ROCK2: variants seen among roughly 807,000 people sequenced by gnomAD.
ROCK2 encodes rho-associated protein kinase 2.
A neutral mutation model predicts 195.1 loss-of-function variants in ROCK2; 61 were observed. The observed-to-expected ratio is 0.31, with a 90% CI of 0.25 to 0.39. ROCK2 has a LOEUF of 0.39. Among genes scored for constraint, ROCK2 ranks in the 10% least tolerant of loss-of-function variants. The pLI is 1.00. For synonymous variants in ROCK2, 504 were observed against 545.5 expected, an observed-to-expected ratio of 0.92 and a Z score of 1.06; for missense variants, 1,109 against 1,637.4, an observed-to-expected ratio of 0.68 and a Z score of 5.57.
At chr2:11,325,769 G>C (rs2148255322) in intron 1 of ROCK2, among the ~76,000 whole-genome samples, 1 of 152,216 alleles carries the variant, frequency 6.6e-6, no homozygotes, top group South Asian at 2.1e-4. Flanking sequence ...ATGGATAAAA[G>C]ACTAGAAAAG....
At chr2:11,317,576 T>TTTTATA (rs1553317356) in intron 1 of ROCK2, among the ~76,000 whole-genome samples, 8 of 29,588 alleles carry the variant, frequency 2.7e-4, no homozygotes, top group Admixed American at 5.5e-4. Context: ...ATCTACACAT[T>TTTTATA]TATATATATA....
At chr2:11,313,413 T>C (rs1668096901) in intron 1 of ROCK2, among the ~76,000 whole-genome samples, 2 of 152,100 alleles carry the variant, frequency 1.3e-5, no homozygotes, top group Non-Finnish European at 2.9e-5. Flanking sequence ...TTTTGGGTTT[T>C]ATAAGAATAA....
At chr2:11,247,296 TACA>T (rs1422682867) in intron 4 of ROCK2, among the ~76,000 whole-genome samples, 5 of 152,126 alleles carry the variant, frequency 3.3e-5, no homozygotes, top group African/African-American at 1.2e-4. Context: ...GTGATGGTTG[TACA>T]ACTCTGTGAA....
At position 11,240,065 on chromosome 2, in the gene ROCK2, GTAAGCTCCAC is replaced by G. The variant is rs1665369236; in HGVS notation, c.463-4113_463-4104del. On this transcript the variant is annotated intron_variant, in intron 4 of 32. Coordinates refer to ENST00000315872, the MANE Select transcript of ROCK2 (RefSeq NM_004850.5). Reference sequence around the variant, plus strand: ...AGAACATCAATGTGTTCACCAACCAGTAAGCTCCACTGAGTGTCAGTATCCAGAGTTTCTA... The same window carrying G: ...AGAACATCAATGTGTTCACCAACCAGTGAGTGTCAGTATCCAGAGTTTCTA... Among the ~76,000 whole-genome samples the G allele has an allele frequency of 2.0e-5, 3 of 152,202 alleles. No individual in the cohort carries two copies. The South Asian group carries it at 6.2e-4, about 32-fold the overall frequency.
intron 1 of ROCK2, among the ~76,000 whole-genome samples, chr2:11,327,195 G>A (rs1668575471): frequency 6.6e-6 from 1 of 152,178 alleles, no homozygotes; most frequent in African/African-American, 2.4e-5. Context: ...GGACACTGAG[G>A]ATTCTGGCAA....
chr2:11,287,223 T>C (rs751923772), intron 2 of ROCK2, among the ~76,000 whole-genome samples: 166 of 152,316 alleles, frequency 1.1e-3, no homozygotes, highest in Non-Finnish European at 2.1e-3. Context: ...GCAACATTAA[T>C]AATGGCAAAG....
intron 3 of ROCK2, among the ~76,000 whole-genome samples, chr2:11,273,854 G>A (rs779240754): frequency 1.3e-5 from 2 of 151,518 alleles, no homozygotes; most frequent in Non-Finnish European, 2.9e-5. Flanking sequence ...GCGTGAACCC[G>A]GGAGGTGGAG....
At chr2:11,303,966 A>G (rs552661888) in intron 1 of ROCK2, among the ~76,000 whole-genome samples, 1 of 152,282 alleles carries the variant, frequency 6.6e-6, no homozygotes, top group Admixed American at 6.5e-5. Context: ...AAAAACTTGA[A>G]AACTTTTTCT....
At chr2:11,206,121 A>G (rs1013852638) in intron 20 of ROCK2, among the ~76,000 whole-genome samples, 4 of 151,930 alleles carry the variant, frequency 2.6e-5, no homozygotes, top group Admixed American at 6.6e-5. Context: ...AAAAAAAAAA[A>G]GGACTGGGGA....
intron 4 of ROCK2, among the ~76,000 whole-genome samples, chr2:11,244,086 G>GAC (rs1665527210): frequency 6.6e-6 from 1 of 152,160 alleles, no homozygotes; most frequent in African/African-American, 2.4e-5. Context: ...TAATTTTGAT[G>GAC]ATAGGAAACA....
At chr2:11,297,605 AT>A (rs1243206574) in intron 1 of ROCK2, among the ~76,000 whole-genome samples, 1 of 152,104 alleles carries the variant, frequency 6.6e-6, no homozygotes, top group Non-Finnish European at 1.5e-5. Flanking sequence ...TAATAGGTTA[AT>A]TTGAGAAAAA....
intron 32 of ROCK2, among the ~76,000 whole-genome samples, chr2:11,186,906 C>T (rs1397623473): frequency 3.9e-5 from 6 of 152,172 alleles, no homozygotes; most frequent in African/African-American, 1.4e-4. Flanking sequence ...CTCGTTTCCC[C>T]AAGCGCTCTG....
Position 11,308,908 on chromosome 2 carries a change from T to A in ROCK2, c.142-21172A>T, listed in dbSNP as rs1667947345. On this transcript the variant is annotated intron_variant, in intron 1 of 32. Coordinates refer to ENST00000315872, the MANE Select transcript of ROCK2 (RefSeq NM_004850.5). ...AATTATTGACCAAGAAACCACTTTA[T>A]CTTCATCTACATCAAACTTTGCACA... 5 of 1,612,026 alleles carry A rather than the reference T, an allele frequency of 3.1e-6. No individual in the cohort carries two copies. The South Asian group carries it at 5.5e-5, about 18-fold the overall frequency.
chr2:11,339,680 C>A (rs1669044343), intron 1 of ROCK2, among the ~76,000 whole-genome samples: 1 of 151,810 alleles, frequency 6.6e-6, no homozygotes, highest in Non-Finnish European at 1.5e-5. Flanking sequence ...TAAAGCAAGT[C>A]ATAAAAGAAT....
intron 23 of ROCK2, among the ~76,000 whole-genome samples, 164 bp from the exon 24 acceptor site, chr2:11,198,938 T>C (rs953398738): frequency 3.3e-5 from 5 of 150,288 alleles, no homozygotes; most frequent in African/African-American, 1.2e-4. Flanking sequence ...TGAGTCTTGC[T>C]CTGTCAACCA....
At chr2:11,285,191 G>A (rs1440915995) in intron 3 of ROCK2, among the ~76,000 whole-genome samples, 5 of 151,592 alleles carry the variant, frequency 3.3e-5, no homozygotes, top group East Asian at 1.9e-4. Context: ...GAACCCGGGG[G>A]GTGGAGGTTA....
At position 11,325,371 on chromosome 2, in the gene ROCK2, C is replaced by G. The variant is rs1015803595; in HGVS notation, c.141+18625G>C. Among the ~76,000 whole-genome samples the G allele has an allele frequency of 2.6e-5, 4 of 152,312 alleles. No individual in the cohort carries two copies. In the South Asian group the frequency reaches 6.2e-4, roughly 24 times the overall value. ...GGAAAACTGTACATATTTGTCTTGTCCTTCCAGAATCCAACTTCATACCAG... is the reference window on the plus strand; with the variant it reads ...GGAAAACTGTACATATTTGTCTTGTGCTTCCAGAATCCAACTTCATACCAG... On this transcript the variant is annotated intron_variant, in intron 1 of 32. Transcript: ENST00000315872.
At chr2:11,193,449 T>C (rs1309309239) in intron 30 of ROCK2, among the ~76,000 whole-genome samples, 4 of 151,808 alleles carry the variant, frequency 2.6e-5, no homozygotes, top group Non-Finnish European at 5.9e-5. Context: ...AGAGCTGAGA[T>C]TAAACAAAAA....
At chr2:11,271,284 G>A (rs1223582939) in intron 3 of ROCK2, among the ~76,000 whole-genome samples, 1 of 152,142 alleles carries the variant, frequency 6.6e-6, no homozygotes, top group Non-Finnish European at 1.5e-5. Flanking sequence ...TGAGACTCTG[G>A]TTGAGCTCTT....
Sources: gnomAD v4.1 joint callset for allele counts (sites outside exome capture counted in the v4.1 genomes callset) on GRCh38, gnomAD v4.1.1 for gene constraint, MANE v1.5 for transcripts, NCBI Gene and HGNC (gene_info 2026-07-23, HGNC 2026-07-21) for gene names.